Variants in GRIN2B observed in about 807,000 individuals in gnomAD.
GRIN2B encodes the protein glutamate ionotropic receptor NMDA type subunit 2B, also known as glutamate receptor ionotropic, NMDA 2B.
In GRIN2B, 5 loss-of-function variants were observed where a neutral mutation model predicts 114.5. The observed-to-expected ratio is 0.04, with a 90% CI of 0.02 to 0.09. GRIN2B has a LOEUF of 0.09. GRIN2B is among the 10% of genes least tolerant of loss of function. The pLI is 1.00. For synonymous variants in GRIN2B, 787 were observed against 745.1 expected, an observed-to-expected ratio of 1.06 and a Z score of -0.92; for missense variants, 1,108 against 1,943.5, an observed-to-expected ratio of 0.57 and a Z score of 8.08.
At chr12:13,867,638 C>A (rs1865848240) in intron 2 of GRIN2B, among the ~76,000 whole-genome samples, 1 of 152,176 alleles carries the variant, frequency 6.6e-6, no homozygotes, top group South Asian at 2.1e-4. Context: ...CTCTGATCTT[C>A]ATGGACACTC....
chr12:13,938,476 T>C (rs1239126593), intron 2 of GRIN2B, among the ~76,000 whole-genome samples: 1 of 152,166 alleles, frequency 6.6e-6, no homozygotes, highest in Non-Finnish European at 1.5e-5. Flanking sequence ...TTATTCGTAA[T>C]AATCAAAAAC....
intron 2 of GRIN2B, among the ~76,000 whole-genome samples, chr12:13,948,118 A>C (rs1185130832): frequency 6.6e-6 from 1 of 152,220 alleles, no homozygotes; most frequent in Non-Finnish European, 1.5e-5. Flanking sequence ...ATCTAAAAGT[A>C]GCACATGCAT....
At chr12:13,888,298 T>C (rs932939452) in intron 2 of GRIN2B, among the ~76,000 whole-genome samples, 2 of 152,170 alleles carry the variant, frequency 1.3e-5, no homozygotes, top group East Asian at 1.9e-4. Flanking sequence ...TGGTATAGTC[T>C]ATTGCTCCTC....
At chr12:13,639,299 T>C (rs1949691313) in intron 5 of GRIN2B, among the ~76,000 whole-genome samples, 1 of 152,104 alleles carries the variant, frequency 6.6e-6, no homozygotes, top group Non-Finnish European at 1.5e-5. Flanking sequence ...AGATAGCGCT[T>C]GGATGGGTCA....
At chr12:13,602,907 A>G (rs1949181288) in intron 10 of GRIN2B, among the ~76,000 whole-genome samples, 1 of 152,216 alleles carries the variant, frequency 6.6e-6, no homozygotes, top group South Asian at 2.1e-4. Flanking sequence ...ATGTGTCACA[A>G]TGGTGGTAGG....
At chr12:13,871,990 C>G (rs1027869233) in intron 2 of GRIN2B, among the ~76,000 whole-genome samples, 2 of 151,900 alleles carry the variant, frequency 1.3e-5, no homozygotes, top group African/African-American at 2.4e-5. Context: ...AATCATCCCA[C>G]CAGCCCACCC....
intron 4 of GRIN2B, among the ~76,000 whole-genome samples, chr12:13,745,660 T>C (rs555711537): frequency 1.3e-5 from 2 of 152,344 alleles, no homozygotes; most frequent in East Asian, 3.9e-4. Context: ...TAAGAAGACA[T>C]GCATTGAAAG....
intron 3 of GRIN2B, among the ~76,000 whole-genome samples, chr12:13,760,492 T>G (rs11055608): frequency 0.57 from 86,458 of 152,058 alleles, 25,807 homozygotes; most frequent in African/African-American, 0.73. Context: ...ATCCTGTTAG[T>G]ACACTAGTAT....
chr12:13,583,885 C>T (rs1281402843), intron 10 of GRIN2B, among the ~76,000 whole-genome samples: 1 of 152,090 alleles, frequency 6.6e-6, no homozygotes, highest in Non-Finnish European at 1.5e-5. Context: ...CCCCACAGTG[C>T]TCAGGTGTAG....
intron 5 of GRIN2B, among the ~76,000 whole-genome samples, chr12:13,624,068 C>T (rs1177231470): frequency 6.6e-6 from 1 of 152,194 alleles, no homozygotes; most frequent in Admixed American, 6.5e-5. Flanking sequence ...TCCCTGATCA[C>T]CCCAGCCCAG....
At chr12:13,806,178 A>T (rs1864596275) in intron 3 of GRIN2B, among the ~76,000 whole-genome samples, 1 of 152,128 alleles carries the variant, frequency 6.6e-6, no homozygotes, top group African/African-American at 2.4e-5. Flanking sequence ...GTGAATAATG[A>T]TGCAATGAAC....
At chr12:13,758,821 A>G (rs1320052939) in intron 3 of GRIN2B, among the ~76,000 whole-genome samples, 1 of 152,140 alleles carries the variant, frequency 6.6e-6, no homozygotes, top group African/African-American at 2.4e-5. Flanking sequence ...AAACATGCAT[A>G]CTTGCCTTAT....
chr12:13,898,925 G>A (rs550325758), intron 2 of GRIN2B, among the ~76,000 whole-genome samples: 1 of 152,044 alleles, frequency 6.6e-6, no homozygotes, highest in Non-Finnish European at 1.5e-5. Context: ...AATAATAATA[G>A]CAACAACTAT....
intron 10 of GRIN2B, among the ~76,000 whole-genome samples, chr12:13,583,901 G>T (rs1280304869): frequency 6.6e-6 from 1 of 152,148 alleles, no homozygotes; most frequent in African/African-American, 2.4e-5. Context: ...TGTAGCTATT[G>T]TTCAGCTAAA....
At chr12:13,674,816 A>G (rs1456149877) in intron 5 of GRIN2B, among the ~76,000 whole-genome samples, 1 of 152,166 alleles carries the variant, frequency 6.6e-6, no homozygotes, top group Non-Finnish European at 1.5e-5. Context: ...AAATAAAAGT[A>G]AAGATGTTTC....
chr12:13,827,346 C>A (rs1865062628), intron 3 of GRIN2B, among the ~76,000 whole-genome samples: 1 of 146,222 alleles, frequency 6.8e-6, no homozygotes, highest in South Asian at 2.2e-4. Flanking sequence ...ATGTGGAATT[C>A]TATTTTTATG....
chr12:13,740,888 A>G (rs1167391469), intron 4 of GRIN2B, among the ~76,000 whole-genome samples: 1 of 152,212 alleles, frequency 6.6e-6, no homozygotes, highest in African/African-American at 2.4e-5. Flanking sequence ...AGATGGGCAC[A>G]CTTCAGGACA....
intron 3 of GRIN2B, among the ~76,000 whole-genome samples, chr12:13,819,710 A>G (rs921358049): frequency 2.6e-5 from 4 of 152,226 alleles, no homozygotes; most frequent in African/African-American, 9.6e-5. Flanking sequence ...ACAGCACTGT[A>G]TGTCAGATTT....
chr12:13,592,110 T>C (rs888150), intron 10 of GRIN2B, among the ~76,000 whole-genome samples: 106,510 of 152,108 alleles, frequency 0.7, 38,891 homozygotes, highest in East Asian at 0.83. Context: ...AATGAGCACT[T>C]GCTCAATGAT....
Sources: allele counts gnomAD v4.1 joint callset (sites outside exome capture counted in the v4.1 genomes callset), GRCh38; gene constraint gnomAD v4.1.1; transcripts MANE v1.5; gene names NCBI Gene and HGNC (gene_info 2026-07-23, HGNC 2026-07-21).